The following NRP1 variants were observed in gnomAD, a reference collection of about 807,000 sequenced individuals.
NRP1 encodes neuropilin 1, also known as neuropilin-1.
A neutral mutation model predicts 106.7 loss-of-function variants in NRP1; 35 were observed. The observed-to-expected ratio is 0.33, with a 90% confidence interval of 0.25 to 0.43. NRP1 has a LOEUF of 0.43. NRP1 is among the 20% of genes least tolerant of loss of function. The probability of loss-of-function intolerance (pLI) is 1.00; values close to 1 mark genes in which losing one functional copy is unlikely to be tolerated. For missense variants in NRP1, 1,024 were observed against 1,170.4 expected (o/e 0.87, Z 1.83); for synonymous variants, 437 against 417.9 (o/e 1.05, Z -0.56).
chr10:33,192,650 G>T (rs544117937), intron 12 of NRP1, among the ~76,000 whole-genome samples: 1 of 152,194 alleles, frequency 6.6e-6, no homozygotes, highest in African/African-American at 2.4e-5. Flanking sequence ...GCTTTAAAAG[G>T]ATTATGGACT....
chr10:33,204,877 G>T (rs573686598), intron 10 of NRP1, among the ~76,000 whole-genome samples: 1 of 151,736 alleles, frequency 6.6e-6, no homozygotes, highest in Admixed American at 6.6e-5. Context: ...GATTACAGGC[G>T]CCCACCAACA....
Position 33,180,436 on chromosome 10 carries a change from A to G in NRP1, c.2483-71T>C, listed in dbSNP as rs1271010540. The G allele has an allele frequency of 2.1e-6, 3 of 1,450,714 alleles. No homozygotes were observed. The African/African-American group carries it at 4.3e-5, about 21-fold the overall frequency. 89.9% of individuals were successfully genotyped at this position (1,450,714 alleles called of 1,614,324 possible). On this transcript the variant is annotated intron_variant, in intron 16 of 16. Transcript: ENST00000374867. Reference sequence around the variant, plus strand: ...CAGATGAAAGCAGACAGAAAAATAGAAAGGAACGAAACAGGAGCAAATCAC... The same window carrying G: ...CAGATGAAAGCAGACAGAAAAATAGGAAGGAACGAAACAGGAGCAAATCAC...
chr10:33,251,760 T>C (rs1235896264), intron 6 of NRP1, among the ~76,000 whole-genome samples: 1 of 152,144 alleles, frequency 6.6e-6, no homozygotes, highest in Non-Finnish European at 1.5e-5. Context: ...ATTGCTACAG[T>C]TGCAGTTTCA....
chr10:33,256,332 C>T lies in NRP1; in HGVS notation c.798G>A (p.Gln266=), dbSNP rs779527944. 18 of 1,614,200 alleles carry T rather than the reference C, an allele frequency of 1.1e-5. No homozygotes were observed. The highest frequency in any genetic ancestry group is 1.4e-5 in the Non-Finnish European group (17 of 1,180,020). Residue 266 remains glutamine, a synonymous_variant, in exon 5 of 17, where the codon CAG becomes CAA. Coordinates refer to ENST00000374867, the MANE Select transcript of NRP1 (RefSeq NM_003873.7). ...EGFSANYSVL[Q]SSVSEDFKCM... ...AACACTGACCTTCTGAGACACTGCT[C>T]TGCAAGACACTGTAGTTTGCTGAGA...
At chr10:33,311,188 CAA>C (rs1319763849) in intron 2 of NRP1, among the ~76,000 whole-genome samples, 2 of 152,172 alleles carry the variant, frequency 1.3e-5, no homozygotes, top group African/African-American at 4.8e-5. Context: ...CCTTGGGAAA[CAA>C]GAGTATTCCA....
intron 10 of NRP1, among the ~76,000 whole-genome samples, chr10:33,203,782 G>T (rs1225437515): frequency 1.4e-5 from 1 of 71,668 alleles, no homozygotes; most frequent in African/African-American, 4.1e-5. Flanking sequence ...CGCCCAGGCC[G>T]GACTGCGGAC....
chr10:33,186,654 T>C (rs1253900786), intron 13 of NRP1, among the ~76,000 whole-genome samples, 166 bp from the exon 14 acceptor site: 1 of 152,136 alleles, frequency 6.6e-6, no homozygotes, highest in African/African-American at 2.4e-5. Context: ...CATGGGCACC[T>C]AAGGCCCTGC....
Position 33,194,081 on chromosome 10 carries a change from A to C in NRP1, c.1925-1663T>G, listed in dbSNP as rs1444558251. ...ATTTCATGTCTAGTCTATCATAGCC[A>C]TGAAATAGGACTTCTTAAGGCATGG... is the stretch of plus-strand genomic sequence containing the variant. On this transcript the variant is annotated intron_variant, in intron 12 of 16. Transcript: ENST00000374867. 3.3e-5 allele frequency among the ~76,000 whole-genome samples: 5 copies of C among 152,306 alleles called. No homozygotes were observed. In the South Asian group the frequency reaches 6.2e-4, roughly 19 times the overall value.
chr10:33,236,008 G>A (rs1840525979), intron 6 of NRP1, among the ~76,000 whole-genome samples: 1 of 152,164 alleles, frequency 6.6e-6, no homozygotes, highest in Non-Finnish European at 1.5e-5. Context: ...TTCCTGCAAA[G>A]AGACTTAGGA....
rs1201300223 is a variant in NRP1, at chr10:33,217,993, T to G, written c.1282+3726A>C. ...ATGGGAGACCCTGAATGAGCATAAT[T>G]TAATCTCTCCTTGATGACTCAGAAA... On this transcript the variant is annotated intron_variant, in intron 8 of 16. Transcript: ENST00000374867. Among the ~76,000 whole-genome samples the G allele has an allele frequency of 1.6e-4, 24 of 152,208 alleles. 2 individuals are homozygous for G. Among genetic ancestry groups the G allele is most frequent in the Admixed American group, 1.6e-3 (24 of 15,290 alleles).
intron 3 of NRP1, among the ~76,000 whole-genome samples, chr10:33,269,116 T>A (rs1843118826): frequency 1.3e-5 from 2 of 152,180 alleles, no homozygotes; most frequent in South Asian, 4.1e-4. Context: ...AGACAATACA[T>A]TCAAATCTTG....
At chr10:33,184,753 G>A (rs1004868155) in intron 15 of NRP1, among the ~76,000 whole-genome samples, 4 of 151,948 alleles carry the variant, frequency 2.6e-5, no homozygotes, top group African/African-American at 9.7e-5. Context: ...TCAAATTATT[G>A]CCGCTTTAGG....
At chr10:33,207,441 G>GTGCCTTT in intron 10 of NRP1, 131 bp downstream of exon 10, 1 of 902,238 alleles carries the variant, frequency 1.1e-6, no homozygotes, top group Non-Finnish European at 1.7e-6. Flanking sequence ...CTCACTGATG[G>GTGCCTTT]GCAGGCACCG....
At chr10:33,255,165 G>C (rs931667198) in intron 5 of NRP1, among the ~76,000 whole-genome samples, 3 of 152,056 alleles carry the variant, frequency 2.0e-5, no homozygotes, top group African/African-American at 7.2e-5. Flanking sequence ...AACAGATAAG[G>C]TTTTAGGGCA....
In NRP1 at chr10:33,213,419, C is replaced by T. The variant is rs1214266546; in HGVS notation, c.1581G>A (p.Lys527=). ...IGYSNNGSDW[K]MIMDDSKRKA... ...TGCGTTTGCTGTCATCCATGATCAT[C>T]TTCCAGTCCGAGCCGTTGTTGCTGT... is the stretch of plus-strand genomic sequence containing the variant. The change falls in exon 9 of 17, where the codon AAG becomes AAA. Residue 527 remains lysine (K), a synonymous_variant. Transcript: ENST00000374867. 2 of 1,614,084 alleles carry T rather than the reference C, an allele frequency of 1.2e-6. No homozygotes were observed. The highest frequency in any genetic ancestry group is 4.5e-5 in the East Asian group (2 of 44,856).
chr10:33,221,229 A>C (rs907531841), intron 8 of NRP1, among the ~76,000 whole-genome samples: 2 of 152,180 alleles, frequency 1.3e-5, no homozygotes, highest in African/African-American at 2.4e-5. Flanking sequence ...GAAACAAAGA[A>C]ATAAATAAAA....
At position 33,202,575 on chromosome 10, in the gene NRP1, G is replaced by A. The variant is rs1046375896; in HGVS notation, c.1864+316C>T. On this transcript the variant is annotated intron_variant, in intron 11 of 16. Transcript: ENST00000374867. ...GGTGGTGCACGTGTTATTGGGGGGG[G>A]GTCTGAAAATAATGAAAATAAGGAT... 87 of 1,425,652 alleles carry A rather than the reference G, an allele frequency of 6.1e-5. No homozygotes were observed. The Admixed American group carries it at 2.0e-3, about 32-fold the overall frequency. 88.3% of individuals were successfully genotyped at this position (1,425,652 alleles called of 1,614,324 possible). A position where few individuals can be genotyped will look rare whatever the true frequency, so the allele number is the denominator to read the frequency against.
chr10:33,324,612 CTG>C (rs201107334), intron 2 of NRP1, among the ~76,000 whole-genome samples: 1 of 151,622 alleles, frequency 6.6e-6, no homozygotes, highest in African/African-American at 2.4e-5. Context: ...AAGACTTTCA[CTG>C]TCTATGTTCA....
intron 8 of NRP1, among the ~76,000 whole-genome samples, chr10:33,219,566 G>A (rs1009332068): frequency 6.6e-6 from 1 of 152,180 alleles, no homozygotes; most frequent in Non-Finnish European, 1.5e-5. Context: ...ATTAGGATAT[G>A]CTATTTTAGA....
Sources: gnomAD v4.1 joint callset for allele counts (sites outside exome capture counted in the v4.1 genomes callset) on GRCh38, gnomAD v4.1.1 for gene constraint, MANE v1.5 for transcripts, NCBI Gene and HGNC (gene_info 2026-07-23, HGNC 2026-07-21) for gene names.